Variants in RNF169 observed in about 807,000 individuals in gnomAD.
RNF169 encodes the protein E3 ubiquitin-protein ligase RNF169.
In RNF169, 24 loss-of-function variants were observed where a neutral mutation model predicts 53.9. The ratio of observed to expected loss-of-function variants is 0.45; its 90% CI spans 0.32 to 0.63. The LOEUF (loss-of-function observed/expected upper bound fraction) is 0.63. Among genes scored for constraint, RNF169 ranks in the 20% least tolerant of loss-of-function variants. RNF169 has a pLI of 0.04. For missense variants in RNF169, 883 were observed against 906.2 expected (o/e 0.97, Z 0.33); for synonymous variants, 396 against 363.5 (o/e 1.09, Z -1.02).
At chr11:74,826,086 G>A (rs1278997991) in intron 4 of RNF169, among the ~76,000 whole-genome samples, 1 of 152,170 alleles carries the variant, frequency 6.6e-6, no homozygotes, top group Admixed American at 6.5e-5. Context: ...AGCACATTGG[G>A]AGGCTGAGGT....
rs777484119 is a variant in RNF169, at chr11:74,835,683, G to T, written c.1080G>T (p.Leu360=). Residue 360 remains leucine, a synonymous_variant, in exon 6 of 6, where the codon CTG becomes CTT. Transcript: ENST00000299563. ...GCTCCCTTTCATCCTTGGCTTCCCT[G>T]CATAAGCCAGAGCGTTCTGTCAGCC... ...PFSSLSSLAS[L]HKPERSVSPE... 1 of 1,614,086 alleles carries T rather than the reference G, an allele frequency of 6.2e-7. No homozygotes were observed. The highest frequency in any genetic ancestry group is 1.1e-5 in the South Asian group (1 of 91,072).
intron 1 of RNF169, among the ~76,000 whole-genome samples, chr11:74,786,244 CTTT>C (rs140407738): frequency 2.3e-5 from 3 of 131,350 alleles, no homozygotes; most frequent in Non-Finnish European, 1.6e-5. Flanking sequence ...TGGCCTGTTT[CTTT>C]TTTTTTTTTT....
intron 1 of RNF169, among the ~76,000 whole-genome samples, chr11:74,781,035 C>T (rs185710530): frequency 2.3e-3 from 343 of 152,258 alleles, no homozygotes; most frequent in African/African-American, 8.0e-3. Flanking sequence ...GTTAACTGTG[C>T]GGGGTAAAAG....
At chr11:74,781,881 T>C (rs991130918) in intron 1 of RNF169, among the ~76,000 whole-genome samples, 6 of 152,192 alleles carry the variant, frequency 3.9e-5, no homozygotes, top group African/African-American at 1.4e-4. Context: ...CTGTAAAATG[T>C]GGATAACCAT....
chr11:74,795,787 G>A (rs1050144301), intron 2 of RNF169, among the ~76,000 whole-genome samples: 5 of 152,286 alleles, frequency 3.3e-5, no homozygotes, highest in Admixed American at 2.0e-4. Flanking sequence ...AGCCCAGGAG[G>A]TCGAGACTGA....
intron 1 of RNF169, among the ~76,000 whole-genome samples, chr11:74,760,526 G>T (rs1009069864): frequency 1.3e-5 from 2 of 152,024 alleles, no homozygotes; most frequent in African/African-American, 4.8e-5. Flanking sequence ...GTTCTCGTTG[G>T]TTTCAAAGAA....
chr11:74,819,900 C>T (rs143291698), intron 4 of RNF169, among the ~76,000 whole-genome samples: 385 of 152,210 alleles, frequency 2.5e-3, no homozygotes, highest in African/African-American at 4.3e-3. Flanking sequence ...TGTTTTCTAA[C>T]GTGCAGATAC....
At chr11:74,769,488 G>A (rs1176877308) in intron 1 of RNF169, among the ~76,000 whole-genome samples, 4 of 152,124 alleles carry the variant, frequency 2.6e-5, no homozygotes, top group Admixed American at 2.6e-4. Context: ...ATAGGTGTGT[G>A]CCATAGTGAA....
In RNF169 at chr11:74,838,796, G is replaced by A. The variant is rs1342161328; in HGVS notation, c.*2066G>A. 6.6e-6 allele frequency: 1 copy of A among 152,186 alleles called. No individual in the cohort carries two copies. Among genetic ancestry groups the A allele is most frequent in the Non-Finnish European group, 1.5e-5 (1 of 68,036 alleles). 9.4% of individuals were successfully genotyped at this position (152,186 alleles called of 1,614,324 possible). On this transcript the variant is annotated 3_prime_UTR_variant, in exon 6 of 6. Coordinates refer to ENST00000299563, the MANE Select transcript of RNF169 (RefSeq NM_001098638.2). ...CTCTGGTTTACAGAAGACAGGGAGG[G>A]TGACCTTACTATAAATGCCCTTAGA...
chr11:74,749,095 TG>T lies in RNF169; in HGVS notation c.217del (p.Glu73SerfsTer105). On this transcript the variant is annotated frameshift_variant, in exon 1 of 6. Coordinates refer to ENST00000299563, the MANE Select transcript of RNF169 (RefSeq NM_001098638.2). LOFTEE classifies it high-confidence loss of function. ...GAGGAATCGGGCTGCGCCGGGTGCC[TG>T]GAGCCCCCCGGAGAAGCAGCGGCCC... The part of the protein sequence containing the change: ...RPEESGCAGC[L>X]EPPGEAAALP... 1 of 1,434,514 alleles carries T rather than the reference TG, an allele frequency of 7.0e-7. No homozygotes were observed. Among genetic ancestry groups the T allele is most frequent in the Non-Finnish European group, 9.2e-7 (1 of 1,092,560 alleles). 88.9% of individuals were successfully genotyped at this position (1,434,514 alleles called of 1,614,324 possible). A position where few individuals can be genotyped will look rare whatever the true frequency, so the allele number is the denominator to read the frequency against.
intron 2 of RNF169, among the ~76,000 whole-genome samples, chr11:74,808,790 C>G (rs1471315772): frequency 6.6e-6 from 1 of 152,206 alleles, no homozygotes; most frequent in East Asian, 1.9e-4. Flanking sequence ...GTCTTCTCAT[C>G]TAAAATCTTC....
intron 1 of RNF169, among the ~76,000 whole-genome samples, chr11:74,789,108 A>G (rs477784): frequency 1.2e-4 from 19 of 152,350 alleles, no homozygotes; most frequent in Middle Eastern, 3.4e-3. Context: ...TTGCCTTCCA[A>G]ACCTAGGGTC....
chr11:74,835,437 C>A, intron 5 of RNF169, 109 bp from the exon 6 acceptor site: 1 of 782,534 alleles, frequency 1.3e-6, no homozygotes, highest in Non-Finnish European at 2.1e-6. Context: ...TACCCTTCAT[C>A]CCTTTTCTTG....
chr11:74,755,244 A>G (rs1471150928), intron 1 of RNF169, among the ~76,000 whole-genome samples: 1 of 152,226 alleles, frequency 6.6e-6, no homozygotes, highest in Non-Finnish European at 1.5e-5. Context: ...ATGAGATTAC[A>G]TGCACTCTAC....
At chr11:74,771,912 A>T (rs2035266003) in intron 1 of RNF169, among the ~76,000 whole-genome samples, 1 of 152,178 alleles carries the variant, frequency 6.6e-6, no homozygotes, top group South Asian at 2.1e-4. Context: ...CAAAAAACAT[A>T]AATCAATTTC....
chr11:74,835,680 C>G lies in RNF169; in HGVS notation c.1077C>G (p.Ser359=). The G allele has an allele frequency of 5.0e-6, 8 of 1,614,118 alleles. No homozygotes were observed. The highest frequency in any genetic ancestry group is 6.8e-6 in the Non-Finnish European group (8 of 1,180,016). ...TCAGCTCCCTTTCATCCTTGGCTTC[C>G]CTGCATAAGCCAGAGCGTTCTGTCA... ...LPFSSLSSLA[S]LHKPERSVSP... is the part of the protein sequence containing the mutation. The change falls in exon 6 of 6, where the codon TCC becomes TCG. Residue 359 remains serine, a synonymous_variant. Transcript: ENST00000299563.
intron 2 of RNF169, among the ~76,000 whole-genome samples, chr11:74,798,495 C>T (rs1361111456): frequency 6.6e-6 from 1 of 152,190 alleles, no homozygotes; most frequent in Non-Finnish European, 1.5e-5. Flanking sequence ...ACCCTGTCTC[C>T]TGATAAGATG....
At chr11:74,778,660 G>T (rs947778111) in intron 1 of RNF169, among the ~76,000 whole-genome samples, 20 of 152,156 alleles carry the variant, frequency 1.3e-4, no homozygotes, top group African/African-American at 4.3e-4. Context: ...CAAAAGGCCT[G>T]CAATTTCTAT....
chr11:74,824,767 T>TA (rs900209300), intron 4 of RNF169, among the ~76,000 whole-genome samples: 28 of 152,070 alleles, frequency 1.8e-4, no homozygotes, highest in Admixed American at 5.2e-4. Context: ...CTTTAGTTTG[T>TA]AAAAAAAATG....
Sources: allele counts gnomAD v4.1 joint callset (sites outside exome capture counted in the v4.1 genomes callset), GRCh38; gene constraint gnomAD v4.1.1; transcripts MANE v1.5; gene names NCBI Gene and HGNC (gene_info 2026-07-23, HGNC 2026-07-21).